CAB39L: variants seen among roughly 807,000 people sequenced by gnomAD.
CAB39L encodes calcium-binding protein 39-like.
CAB39L carries 23 observed loss-of-function variants against 39.1 expected under a neutral mutation model. That is an observed-to-expected ratio of 0.59 (90% CI 0.42 to 0.83). The LOEUF (loss-of-function observed/expected upper bound fraction) is 0.83, where lower values mean the gene tolerates loss of function less well. Among genes scored for constraint, CAB39L ranks in the 40% least tolerant of loss-of-function variants. The probability of loss-of-function intolerance (pLI) is 0.00; values close to 1 mark genes in which losing one functional copy is unlikely to be tolerated. For synonymous variants in CAB39L, 126 were observed against 137.2 expected (o/e 0.92, Z 0.57); for missense variants, 366 against 391.9 (o/e 0.93, Z 0.56).
chr13:49,436,612 G>A (rs1594103848), intron 1 of CAB39L, among the ~76,000 whole-genome samples: 1 of 122,804 alleles, frequency 8.1e-6, no homozygotes, highest in South Asian at 2.5e-4. Flanking sequence ...TGCCCAGGCT[G>A]GCCTCAAACT....
At chr13:49,356,512 A>G (rs927401931) in intron 6 of CAB39L, among the ~76,000 whole-genome samples, 1 of 152,222 alleles carries the variant, frequency 6.6e-6, no homozygotes, top group Non-Finnish European at 1.5e-5. Context: ...AATACATTTT[A>G]CCATGTTTAA....
chr13:49,347,943 A>G (rs540622582), intron 7 of CAB39L, among the ~76,000 whole-genome samples: 193 of 150,602 alleles, frequency 1.3e-3, no homozygotes, highest in African/African-American at 4.6e-3. Flanking sequence ...CCCATTCTTC[A>G]TACTCCGCCT....
At chr13:49,359,940 C>A in intron 5 of CAB39L, 108 bp from the exon 6 acceptor site, 1 of 591,230 alleles carries the variant, frequency 1.7e-6, no homozygotes. Context: ...ATGGTACCAT[C>A]CTTTCTAATA....
rs1956139282 is a variant in CAB39L at position 49,378,192 on chromosome 13, C to A, written c.112-1061G>T. ...GTCTGAGAAGTGAGGAGCCTCTCCG[C>A]CCGGCAGCCACCCCATCTGGGAAGT... On this transcript the variant is annotated intron_variant, in intron 4 of 10. Coordinates refer to ENST00000409308, the MANE Select transcript of CAB39L (RefSeq NM_001079670.3). Among the ~76,000 whole-genome samples the A allele has an allele frequency of 4.5e-5, 4 of 89,474 alleles. 1 individual carries two copies. The highest frequency in any genetic ancestry group is 3.7e-4 in the Admixed American group (4 of 10,834). The allele number at this position is 89,474 out of a possible 152,430, so 58.7% of individuals were successfully genotyped here.
intron 8 of CAB39L, among the ~76,000 whole-genome samples, 196 bp from the exon 9 acceptor site, chr13:49,339,938 C>T (rs112528268): frequency 1.3e-5 from 2 of 152,284 alleles, no homozygotes; most frequent in East Asian, 3.9e-4. Context: ...TTTAGTTCTG[C>T]AAATTAGATA....
intron 5 of CAB39L, among the ~76,000 whole-genome samples, chr13:49,366,626 T>TAAAA (rs770961088): frequency 4.5e-4 from 28 of 62,290 alleles, no homozygotes; most frequent in African/African-American, 1.6e-3. Context: ...AAACTCTGTC[T>TAAAA]AAAAAAAAAA....
chr13:49,427,830 A>G (rs79600931), intron 3 of CAB39L, among the ~76,000 whole-genome samples: 1 of 152,224 alleles, frequency 6.6e-6, no homozygotes, highest in Admixed American at 6.5e-5. Context: ...GTGTCAGCAG[A>G]TTCAGGGTCC....
chr13:49,361,477 C>CAAAAAAAAAAAAAAA (rs33984866), intron 5 of CAB39L, among the ~76,000 whole-genome samples: 10 of 54,440 alleles, frequency 1.8e-4, no homozygotes, highest in African/African-American at 4.8e-4. Context: ...GACTTCATCT[C>CAAAAAAAAAAAAAAA]AAAAAAAAAA....
rs61063436 is a variant in CAB39L at position 49,359,581 on chromosome 13, G to A, written c.395+133C>T. ...ATCATAGAGACAGATCTGGAGGGCT[G>A]ACCTCACACATGACAAATACCTTTA... On this transcript the variant is annotated intron_variant, in intron 6 of 10. Transcript: ENST00000409308. 5.2e-3 allele frequency: 2,863 copies of A among 545,618 alleles called. 61 individuals carry two copies. Among genetic ancestry groups the A allele is most frequent in the African/African-American group, 0.047 (2,403 of 51,582 alleles). The allele number at this position is 545,618 out of a possible 1,614,324, so 33.8% of individuals were successfully genotyped here. A position where few individuals can be genotyped will look rare whatever the true frequency, so the allele number is the denominator to read the frequency against.
At chr13:49,434,673 T>C (rs962123579) in intron 1 of CAB39L, among the ~76,000 whole-genome samples, 1 of 152,064 alleles carries the variant, frequency 6.6e-6, no homozygotes, top group East Asian at 1.9e-4. Flanking sequence ...CTGAGCAATA[T>C]GGTGACACCT....
chr13:49,355,460 C>A (rs781462459), intron 6 of CAB39L, among the ~76,000 whole-genome samples: 2 of 152,050 alleles, frequency 1.3e-5, no homozygotes, highest in African/African-American at 4.8e-5. Flanking sequence ...TCAATGAGCA[C>A]CCCTAGCAAC....
At chr13:49,352,494 C>T (rs929826313) in intron 6 of CAB39L, among the ~76,000 whole-genome samples, 3 of 152,214 alleles carry the variant, frequency 2.0e-5, no homozygotes, top group African/African-American at 7.2e-5. Context: ...CTGCTCACTC[C>T]TGTACTCCCA....
At chr13:49,339,566 A>T (rs1161200739) in intron 9 of CAB39L, 111 bp downstream of exon 9, 8 of 1,148,626 alleles carry the variant, frequency 7.0e-6, no homozygotes, top group South Asian at 6.7e-5. Flanking sequence ...CAAGTTATTT[A>T]AAAAAAGGAT....
At position 49,309,645 on chromosome 13, in the gene CAB39L, T is replaced by C. The variant is rs968526127; in HGVS notation, c.*1169A>G. ...ATATTTTTGATTCCAAGCCTTTTTA[T>C]AAGGAAGAGGAATTAACACCTCAAT... On this transcript the variant is annotated 3_prime_UTR_variant, in exon 11 of 11. Coordinates refer to ENST00000409308, the MANE Select transcript of CAB39L (RefSeq NM_001079670.3). The C allele has an allele frequency of 2.6e-5, 4 of 152,190 alleles. No homozygotes were observed. The highest frequency in any genetic ancestry group is 9.7e-5 in the African/African-American group (4 of 41,442). 9.4% of individuals were successfully genotyped at this position (152,190 alleles called of 1,614,324 possible). A position where few individuals can be genotyped will look rare whatever the true frequency, so the allele number is the denominator to read the frequency against.
At position 49,369,793 on chromosome 13, in the gene CAB39L, G is replaced by A. The variant is rs148537351; in HGVS notation, c.276+7174C>T. Among the ~76,000 whole-genome samples, 57 of 152,060 alleles carry A rather than the reference G, an allele frequency of 3.7e-4. 2 individuals carry two copies. Among genetic ancestry groups the A allele is most frequent in the Admixed American group, 3.4e-3 (52 of 15,254 alleles). ...AGTAGAGACAGGGTTTCACCATGTT[G>A]GCCAGGATGGTCTCGGGCTCCTGAC... On this transcript the variant is annotated intron_variant, in intron 5 of 10. Coordinates refer to ENST00000409308, the MANE Select transcript of CAB39L (RefSeq NM_001079670.3).
At chr13:49,341,497 C>T (rs1283835371) in intron 8 of CAB39L, among the ~76,000 whole-genome samples, 2 of 152,076 alleles carry the variant, frequency 1.3e-5, no homozygotes. Context: ...GTGATCCACC[C>T]GCCTCTTTCA....
intron 4 of CAB39L, among the ~76,000 whole-genome samples, chr13:49,378,730 C>G (rs1276582561): frequency 7.3e-5 from 4 of 54,962 alleles, no homozygotes; most frequent in Non-Finnish European, 1.4e-4. Context: ...GTCGGCCCCC[C>G]GCCCGGCCAG....
At chr13:49,356,770 A>C (rs1397208649) in intron 6 of CAB39L, among the ~76,000 whole-genome samples, 1 of 152,220 alleles carries the variant, frequency 6.6e-6, no homozygotes, top group Non-Finnish European at 1.5e-5. Context: ...CTAAATTAGA[A>C]AATGGTAACA....
At chr13:49,440,288 G>A (rs970016847) in intron 1 of CAB39L, among the ~76,000 whole-genome samples, 5 of 151,808 alleles carry the variant, frequency 3.3e-5, no homozygotes, top group African/African-American at 9.7e-5. Context: ...TTTTGTATGT[G>A]GTGTAAGGTA....
Sources: gnomAD v4.1 joint callset for allele counts (sites outside exome capture counted in the v4.1 genomes callset) on GRCh38, gnomAD v4.1.1 for gene constraint, MANE v1.5 for transcripts, NCBI Gene and HGNC (gene_info 2026-07-23, HGNC 2026-07-21) for gene names.